ZNF627: variants seen among roughly 807,000 people sequenced by gnomAD.
ZNF627 encodes the protein zinc finger protein 627.
Under a neutral mutation model 10.6 loss-of-function variants are expected in ZNF627, and 12 were observed. The ratio of observed to expected loss-of-function variants is 1.13; its 90% CI spans 0.73 to 1.84. ZNF627 has a LOEUF of 1.84. ZNF627 is among the 40% of genes most tolerant of loss of function. The pLI is 0.00. For missense variants in ZNF627, 504 were observed against 568.4 expected, an observed-to-expected ratio of 0.89 and a Z score of 1.15; for synonymous variants, 176 against 187.1, an observed-to-expected ratio of 0.94 and a Z score of 0.48.
chr19:11,599,770 G>C (rs148957551), intron 1 of ZNF627, among the ~76,000 whole-genome samples: 174 of 152,242 alleles, frequency 1.1e-3, no homozygotes, highest in African/African-American at 3.8e-3. Context: ...AGCTGGGTGT[G>C]GTGGCAGGTG....
chr19:11,616,946 T>G lies in ZNF627; in HGVS notation c.443T>G (p.Leu148Trp). ...ACACGTAACCAGTGTGGACGAGCCT[T>G]GAGTTATCATCGCTCTTTTCCAGTA... ...SYTRNQCGRA[L>W]SYHRSFPVRE... The change falls in exon 4 of 4, where the codon TTG (leucine) becomes TGG (tryptophan). Residue 148 changes from leucine (L) to tryptophan (W), a missense_variant. Physicochemically the swap from Leu to Trp is moderately conservative, Grantham distance 61. Coordinates refer to ENST00000361113, the MANE Select transcript of ZNF627 (RefSeq NM_145295.4). 1 of 1,614,160 alleles carries G rather than the reference T, an allele frequency of 6.2e-7. No individual in the cohort carries two copies. The highest frequency in any genetic ancestry group is 8.5e-7 in the Non-Finnish European group (1 of 1,180,032).
At chr19:11,613,498 C>A (rs907953766) in intron 1 of ZNF627, among the ~76,000 whole-genome samples, 3 of 121,210 alleles carry the variant, frequency 2.5e-5, no homozygotes, top group Non-Finnish European at 3.8e-5. Flanking sequence ...ATTTTTACCT[C>A]TTTTTTTTTA....
At chr19:11,599,598 C>A (rs1201807204) in intron 1 of ZNF627, among the ~76,000 whole-genome samples, 1 of 152,042 alleles carries the variant, frequency 6.6e-6, no homozygotes, top group Admixed American at 6.6e-5. Context: ...TGGACGATAT[C>A]CCAGGTGATA....
chr19:11,615,504 T>C (rs1973851101), intron 3 of ZNF627, among the ~76,000 whole-genome samples: 1 of 147,272 alleles, frequency 6.8e-6, no homozygotes, highest in Admixed American at 6.8e-5. Flanking sequence ...CTCGGGAGGC[T>C]GAGACAGGAG....
chr19:11,602,083 A>G (rs1973595858), intron 1 of ZNF627, among the ~76,000 whole-genome samples: 1 of 147,340 alleles, frequency 6.8e-6, no homozygotes, highest in Admixed American at 6.8e-5. Flanking sequence ...TGTAGGGAGG[A>G]GCAAATGATG....
intron 1 of ZNF627, among the ~76,000 whole-genome samples, chr19:11,597,838 C>G (rs562473469): frequency 6.6e-6 from 1 of 152,318 alleles, no homozygotes; most frequent in South Asian, 2.1e-4. Flanking sequence ...CCCCGCAGCC[C>G]CGCGTCTCCC....
In ZNF627 at chr19:11,618,981, T is replaced by C. The variant is rs566643512; in HGVS notation, c.*1092T>C. ...ATTTTACTTTTCATGCTTATATAGT[T>C]TCAACTTTTATCTTCATAGTAATTT... On this transcript the variant is annotated 3_prime_UTR_variant, in exon 4 of 4. Transcript: ENST00000361113. The C allele has an allele frequency of 6.6e-6, 1 of 152,304 alleles. No individual in the cohort carries two copies. The highest frequency in any genetic ancestry group is 2.4e-5 in the African/African-American group (1 of 41,566). The allele number at this position is 152,304 out of a possible 1,614,324, so 9.4% of individuals were successfully genotyped here.
At chr19:11,609,881 G>A (rs147871940) in intron 1 of ZNF627, among the ~76,000 whole-genome samples, 113 of 152,108 alleles carry the variant, frequency 7.4e-4, no homozygotes, top group African/African-American at 2.7e-3. Context: ...CTCCATGGTT[G>A]TCTTTACTAC....
intron 1 of ZNF627, among the ~76,000 whole-genome samples, chr19:11,598,092 A>G (rs1001675126): frequency 6.6e-6 from 1 of 152,144 alleles, no homozygotes; most frequent in Non-Finnish European, 1.5e-5. Flanking sequence ...AGCGAACCAA[A>G]TTCAGTACTT....
At position 11,617,432 on chromosome 19, in the gene ZNF627, A is replaced by G. The variant is rs757143667; in HGVS notation, c.929A>G (p.Lys310Arg). 27 of 1,614,040 alleles carry G rather than the reference A, an allele frequency of 1.7e-5. 1 individual carries two copies. In the South Asian group the frequency reaches 2.7e-4, roughly 16 times the overall value. Residue 310 changes from lysine (K) to arginine (R), a missense_variant, in exon 4 of 4, where the codon AAG (lysine) becomes AGG (arginine). Transcript: ENST00000361113. Reference sequence around the variant, plus strand: ...ACCGGAGAGAAACTTTTTGAATGTAAGGAATGCGGGAAGGCTTTGACTTGT... The same window carrying G: ...ACCGGAGAGAAACTTTTTGAATGTAGGGAATGCGGGAAGGCTTTGACTTGT... ...THTGEKLFECKECGKALTCLA... is the reference protein window; with the variant it reads ...THTGEKLFECRECGKALTCLA...
chr19:11,607,887 T>C (rs1973701723), intron 1 of ZNF627, among the ~76,000 whole-genome samples: 1 of 152,130 alleles, frequency 6.6e-6, no homozygotes, highest in South Asian at 2.1e-4. Flanking sequence ...AGTTCCAAAG[T>C]TGCTTCCACA....
chr19:11,609,462 TA>T (rs1435265305), intron 1 of ZNF627, among the ~76,000 whole-genome samples: 2 of 135,250 alleles, frequency 1.5e-5, no homozygotes, highest in African/African-American at 2.7e-5. Flanking sequence ...GGTAGTCTTT[TA>T]AAAAATTTTA....
At chr19:11,599,009 C>T (rs1453483603) in intron 1 of ZNF627, among the ~76,000 whole-genome samples, 1 of 152,086 alleles carries the variant, frequency 6.6e-6, no homozygotes, top group Non-Finnish European at 1.5e-5. Context: ...TAGTGAGACC[C>T]GGACCCTAAA....
At position 11,618,046 on chromosome 19, in the gene ZNF627, A is replaced by G. The variant is rs1047798897; in HGVS notation, c.*157A>G. 1.0e-5 allele frequency: 6 copies of G among 579,052 alleles called. No homozygotes were observed. Among genetic ancestry groups the G allele is most frequent in the African/African-American group, 9.5e-5 (5 of 52,754 alleles). 35.9% of individuals were successfully genotyped at this position (579,052 alleles called of 1,614,324 possible). On this transcript the variant is annotated 3_prime_UTR_variant, in exon 4 of 4. Transcript: ENST00000361113. ...AATTACGAGAGACTTGTGATAGGAC[A>G]GTAAAACCTAGAGTTGGAGTTGGAT...
chr19:11,606,749 T>C (rs1289602163), intron 1 of ZNF627, among the ~76,000 whole-genome samples: 1 of 152,240 alleles, frequency 6.6e-6, no homozygotes, highest in African/African-American at 2.4e-5. Context: ...TTCTGAAATC[T>C]CGGCAGAGGT....
rs377380268 is a variant in ZNF627 at position 11,614,566 on chromosome 19, C to T, written c.43C>T (p.Leu15=). The T allele has an allele frequency of 2.0e-5, 33 of 1,613,796 alleles. No homozygotes were observed. The highest frequency in any genetic ancestry group is 2.8e-5 in the Non-Finnish European group (33 of 1,179,986). Residue 15 remains leucine (L), a synonymous_variant, in exon 2 of 4, where the codon CTG becomes TTG. Coordinates refer to ENST00000361113, the MANE Select transcript of ZNF627 (RefSeq NM_145295.4). ...TGAGGATGTGGCTGTGAACTTCACCCTGGAGGAGTGGGCTTTGCTGGATCC... is the reference window on the plus strand; with the variant it reads ...TGAGGATGTGGCTGTGAACTTCACCTTGGAGGAGTGGGCTTTGCTGGATCC... The part of the protein sequence containing the change: ...AFEDVAVNFT[L]EEWALLDPSQ...
At chr19:11,605,224 A>G (rs991590717) in intron 1 of ZNF627, among the ~76,000 whole-genome samples, 1 of 151,440 alleles carries the variant, frequency 6.6e-6, no homozygotes, top group East Asian at 1.9e-4. Context: ...CTGGGGTTAC[A>G]GGTGCCCACC....
Position 11,616,990 on chromosome 19 carries a change from G to A in ZNF627, c.487G>A (p.Gly163Arg). ...SFPVRERTHP[G>R]GKPYDCKECG... is the part of the protein sequence containing the mutation. ...TCCAGTACGTGAAAGGACTCATCCT[G>A]GAGGAAAGCCCTATGATTGTAAGGA... is the stretch of plus-strand genomic sequence containing the variant. Residue 163 changes from glycine (G) to arginine (R), a missense_variant, in exon 4 of 4, where the codon GGA becomes AGA. Transcript: ENST00000361113. The A allele has an allele frequency of 1.2e-6, 2 of 1,614,132 alleles. No individual in the cohort carries two copies. The highest frequency in any genetic ancestry group is 1.7e-6 in the Non-Finnish European group (2 of 1,180,034).
chr19:11,615,820 C>T (rs12978849), intron 3 of ZNF627, among the ~76,000 whole-genome samples: 32 of 145,494 alleles, frequency 2.2e-4, no homozygotes, highest in Non-Finnish European at 4.3e-4. Flanking sequence ...TGGATTCAAG[C>T]GATTCTCCTG....
Sources: allele counts gnomAD v4.1 joint callset (sites outside exome capture counted in the v4.1 genomes callset), GRCh38; gene constraint gnomAD v4.1.1; transcripts MANE v1.5; gene names NCBI Gene and HGNC (gene_info 2026-07-23, HGNC 2026-07-21).